The following BTBD10 variants were observed in gnomAD, a reference collection of about 807,000 sequenced individuals.
The protein encoded by BTBD10 is BTB domain containing 10.
Under a neutral mutation model 53.2 loss-of-function variants are expected in BTBD10, and 21 were observed. The observed-to-expected ratio is 0.39, with a 90% CI of 0.28 to 0.57. The LOEUF is 0.57. BTBD10 is among the 20% of genes least tolerant of loss of function. BTBD10 has a pLI of 0.53. For missense variants in BTBD10, 360 were observed against 594.7 expected, an observed-to-expected ratio of 0.61 and a Z score of 4.10; for synonymous variants, 149 against 192.7, an observed-to-expected ratio of 0.77 and a Z score of 1.88.
intron 4 of BTBD10, among the ~76,000 whole-genome samples, chr11:13,417,806 T>A (rs1950151163): frequency 1.3e-5 from 2 of 152,202 alleles, no homozygotes; most frequent in South Asian, 4.1e-4. Context: ...ATCCTAGAAC[T>A]GAAAGACAAG....
intron 4 of BTBD10, among the ~76,000 whole-genome samples, chr11:13,418,525 C>T (rs1267364018): frequency 6.6e-6 from 1 of 151,804 alleles, no homozygotes; most frequent in African/African-American, 2.4e-5. Flanking sequence ...GATAATCCTC[C>T]CCTATAATAC....
intron 1 of BTBD10, among the ~76,000 whole-genome samples, chr11:13,459,418 C>T (rs1370448966): frequency 1.3e-5 from 2 of 152,004 alleles, no homozygotes; most frequent in African/African-American, 2.4e-5. Flanking sequence ...AAAGTAAACC[C>T]GAGCAAGATA....
intron 8 of BTBD10, among the ~76,000 whole-genome samples, chr11:13,395,949 G>A (rs897530139): frequency 2.7e-5 from 4 of 147,148 alleles, no homozygotes; most frequent in Non-Finnish European, 4.6e-5. Flanking sequence ...CAGCCTTGTA[G>A]TATAGTTTGA....
chr11:13,445,071 C>T lies in BTBD10; in HGVS notation c.54G>A (p.Trp18Ter), dbSNP rs372850947. The part of the protein sequence containing the change: ...YDGNSSDPEN[W>*]DRKLHSRPRK... Reference sequence around the variant, plus strand: ...GAGGTCTACTATGCAATTTCCGATCCCAATTCTCTGGATCACTGGAGTTAC... The same window carrying T: ...GAGGTCTACTATGCAATTTCCGATCTCAATTCTCTGGATCACTGGAGTTAC... Residue 18 changes from tryptophan (W) to a stop codon, truncating the protein, a stop_gained, in exon 2 of 9, where the codon TGG becomes TGA. Transcript: ENST00000278174. LOFTEE classifies it high-confidence loss of function. 1 of 1,613,102 alleles carries T rather than the reference C, an allele frequency of 6.2e-7. No individual in the cohort carries two copies. Among genetic ancestry groups the T allele is most frequent in the Non-Finnish European group, 8.5e-7 (1 of 1,179,462 alleles).
chr11:13,396,279 G>C (rs1292432499), intron 8 of BTBD10, among the ~76,000 whole-genome samples: 1 of 152,056 alleles, frequency 6.6e-6, no homozygotes, highest in Non-Finnish European at 1.5e-5. Flanking sequence ...GGATTCCTAG[G>C]TATTTTACTC....
At chr11:13,429,204 A>G (rs1458364305) in intron 2 of BTBD10, among the ~76,000 whole-genome samples, 1 of 152,172 alleles carries the variant, frequency 6.6e-6, no homozygotes, top group East Asian at 1.9e-4. Context: ...CGTCTTTACA[A>G]GTCAATTTTC....
intron 5 of BTBD10, among the ~76,000 whole-genome samples, chr11:13,416,214 C>T (rs149617495): frequency 0.11 from 16,145 of 151,266 alleles, 961 homozygotes; most frequent in Middle Eastern, 0.15. Context: ...ATTAGCTGGG[C>T]GTGGTGGCAC....
At chr11:13,443,978 A>G (rs1440299310) in intron 2 of BTBD10, among the ~76,000 whole-genome samples, 1 of 152,178 alleles carries the variant, frequency 6.6e-6, no homozygotes, top group African/African-American at 2.4e-5. Context: ...ACACACACAC[A>G]CAGAATGAAC....
chr11:13,432,402 T>C (rs904630990), intron 2 of BTBD10, among the ~76,000 whole-genome samples: 1 of 152,164 alleles, frequency 6.6e-6, no homozygotes, highest in Non-Finnish European at 1.5e-5. Flanking sequence ...ATTTAGTTAT[T>C]AGTATTGTAC....
intron 8 of BTBD10, among the ~76,000 whole-genome samples, chr11:13,401,607 T>C (rs1275962910): frequency 1.3e-5 from 2 of 152,190 alleles, no homozygotes; most frequent in Non-Finnish European, 2.9e-5. Flanking sequence ...TAGTAAATAA[T>C]ATTTGATTAT....
intron 1 of BTBD10, 134 bp from the exon 2 acceptor site, chr11:13,445,315 A>C (rs1455328267): frequency 5.0e-6 from 2 of 401,770 alleles, no homozygotes; most frequent in African/African-American, 2.1e-5. Flanking sequence ...AACCATACAA[A>C]TGCCACAAAT....
intron 6 of BTBD10, among the ~76,000 whole-genome samples, chr11:13,406,616 A>AGTGT (rs71041525): frequency 4.7e-5 from 7 of 148,222 alleles, no homozygotes; most frequent in East Asian, 4.0e-4. Context: ...AGAGAGAGAC[A>AGTGT]GTGTGTGTGT....
At chr11:13,456,247 T>C (rs192762867) in intron 1 of BTBD10, among the ~76,000 whole-genome samples, 10 of 152,146 alleles carry the variant, frequency 6.6e-5, no homozygotes, top group East Asian at 3.9e-4. Flanking sequence ...AACCAACCAA[T>C]AGAAGAGAAT....
At chr11:13,413,875 A>C (rs1199272674) in intron 5 of BTBD10, among the ~76,000 whole-genome samples, 2 of 152,244 alleles carry the variant, frequency 1.3e-5, no homozygotes, top group Non-Finnish European at 2.9e-5. Flanking sequence ...TTAGCCTGTC[A>C]TAAAATTATT....
intron 6 of BTBD10, among the ~76,000 whole-genome samples, chr11:13,406,234 G>C (rs1250442421): frequency 6.6e-6 from 1 of 152,076 alleles, no homozygotes; most frequent in Non-Finnish European, 1.5e-5. Flanking sequence ...TGAGAGGTGA[G>C]CTGAAAAGGG....
intron 8 of BTBD10, among the ~76,000 whole-genome samples, chr11:13,397,884 G>T (rs1949598516): frequency 6.6e-6 from 1 of 152,100 alleles, no homozygotes; most frequent in African/African-American, 2.4e-5. Flanking sequence ...AGTTCTAGTT[G>T]GATTGCACTG....
chr11:13,418,237 C>G (rs910265014), intron 4 of BTBD10, among the ~76,000 whole-genome samples: 2 of 151,816 alleles, frequency 1.3e-5, no homozygotes, highest in African/African-American at 4.8e-5. Context: ...AATTTTCATC[C>G]CCAAAGACAC....
chr11:13,439,563 C>T (rs188754262), intron 2 of BTBD10, among the ~76,000 whole-genome samples: 325 of 151,890 alleles, frequency 2.1e-3, no homozygotes, highest in Non-Finnish European at 3.6e-3. Flanking sequence ...TCAAATAAAT[C>T]AAAAATATTA....
intron 5 of BTBD10, 45 bp downstream of exon 5, chr11:13,417,113 A>T: frequency 7.1e-7 from 1 of 1,417,538 alleles, no homozygotes; most frequent in Non-Finnish European, 9.8e-7. Context: ...AGTACCTCCA[A>T]GAAGGCGTCT....
Sources: gnomAD v4.1 joint callset for allele counts (sites outside exome capture counted in the v4.1 genomes callset) on GRCh38, gnomAD v4.1.1 for gene constraint, MANE v1.5 for transcripts, NCBI Gene and HGNC (gene_info 2026-07-23, HGNC 2026-07-21) for gene names.